Variants in ZDHHC1 observed in about 807,000 individuals in gnomAD.
ZDHHC1 encodes the protein zDHHC palmitoyltransferase 1.
In ZDHHC1, 45 loss-of-function variants were observed where a neutral mutation model predicts 46.9. The ratio of observed to expected loss-of-function variants is 0.96; its 90% CI spans 0.76 to 1.23. ZDHHC1 has a LOEUF of 1.23. Among genes scored for constraint, ZDHHC1 ranks in the 50% most tolerant of loss-of-function variants. ZDHHC1 has a pLI of 0.00. For missense variants in ZDHHC1, 649 were observed against 670.8 expected, an observed-to-expected ratio of 0.97 and a Z score of 0.36; for synonymous variants, 291 against 286.0, an observed-to-expected ratio of 1.02 and a Z score of -0.18.
At chr16:67,394,978 A>C in intron 11 of ZDHHC1, 24 bp downstream of exon 11, 2 of 1,599,214 alleles carry the variant, frequency 1.3e-6, no homozygotes, top group Non-Finnish European at 1.7e-6. Context: ...CCAGAGCAGG[A>C]CCCGGACAGG....
rs560822863 is a variant in ZDHHC1, at chr16:67,401,747, G to A, written c.253-615C>T. On this transcript the variant is annotated intron_variant, in intron 3 of 11. Coordinates refer to ENST00000565726, the MANE Select transcript of ZDHHC1 (RefSeq NM_001323627.2). This position sits in a 1 kb window ranked among gnomAD's most constrained non-coding sequence, Gnocchi z 4.6. ...CCTGCCATGTTCAGGGCCTGGCCAG[G>A]GACAGCATGGCTAGTCTCTGAAGCT... Among the ~76,000 whole-genome samples the A allele has an allele frequency of 6.6e-6, 1 of 152,314 alleles. No individual in the cohort carries two copies. Among genetic ancestry groups the A allele is most frequent in the South Asian group, 2.1e-4 (1 of 4,822 alleles).
intron 1 of ZDHHC1, among the ~76,000 whole-genome samples, chr16:67,412,957 C>G (rs557920763): frequency 1.2e-4 from 18 of 152,112 alleles, no homozygotes; most frequent in Admixed American, 2.6e-4. Context: ...CCCGCCGCCA[C>G]GCCCGGCTAC....
chr16:67,405,630 C>A (rs918677331), intron 3 of ZDHHC1, among the ~76,000 whole-genome samples: 3 of 152,170 alleles, frequency 2.0e-5, no homozygotes, highest in African/African-American at 7.2e-5. Context: ...TGTCACTATT[C>A]CCAGGGGCAT....
Position 67,395,477 on chromosome 16 carries a change from C to T in ZDHHC1, c.1010+7G>A, listed in dbSNP as rs2040411400. On this transcript the variant is annotated splice_region_variant and intron_variant, in intron 9 of 11. Coordinates refer to ENST00000565726, the MANE Select transcript of ZDHHC1 (RefSeq NM_001323627.2). The stretch of plus-strand genomic sequence containing the variant: ...TGCCCAGTGGCACATGCCCAGGTTG[C>T]ACTCACTTGGCATTCACTGCTGCTG... 6.4e-7 allele frequency: 1 copy of T among 1,552,166 alleles called. No individual in the cohort carries two copies. The highest frequency in any genetic ancestry group is 8.7e-7 in the Non-Finnish European group (1 of 1,147,484).
chr16:67,399,456 C>T lies in ZDHHC1; in HGVS notation c.429G>A (p.Val143=). 1 of 1,609,594 alleles carries T rather than the reference C, an allele frequency of 6.2e-7. No individual in the cohort carries two copies. The highest frequency in any genetic ancestry group is 8.5e-7 in the Non-Finnish European group (1 of 1,177,480). The change falls in exon 5 of 12, where the codon GTG becomes GTA. Residue 143 remains valine (V), a splice_region_variant and synonymous_variant. Coordinates refer to ENST00000565726, the MANE Select transcript of ZDHHC1 (RefSeq NM_001323627.2). The part of the protein sequence containing the change: ...DLHCNLCNVD[V]SARSKHCSAC... ...CGCTGCAGTGCTTGGAGCGAGCGCT[C>T]CTGCAGGGAGAGGGGGCACAGCGCG...
At position 67,406,183 on chromosome 16, in the gene ZDHHC1, C is replaced by T. The variant is rs568844374; in HGVS notation, c.252+17G>A. ...TCCCCACTTCCACACACCAGCCCTA[C>T]GCTTTCCCAAGGATACAGCGTAGCC... On this transcript the variant is annotated intron_variant, in intron 3 of 11. Coordinates refer to ENST00000565726, the MANE Select transcript of ZDHHC1 (RefSeq NM_001323627.2). The surrounding 1 kb of genome is among the most constrained non-coding windows in gnomAD (Gnocchi z 4.1). The T allele has an allele frequency of 5.4e-5, 87 of 1,612,352 alleles. No homozygotes were observed. Among genetic ancestry groups the T allele is most frequent in the Middle Eastern group, 1.6e-4 (1 of 6,078 alleles).
At chr16:67,399,979 A>G (rs1210178044) in intron 4 of ZDHHC1, among the ~76,000 whole-genome samples, 1 of 152,220 alleles carries the variant, frequency 6.6e-6, no homozygotes, top group African/African-American at 2.4e-5. Flanking sequence ...GCAGGCTGCC[A>G]TCCGCGTGAG....
At chr16:67,395,587 G>A in intron 8 of ZDHHC1, 21 bp from the exon 9 acceptor site, 1 of 1,550,762 alleles carries the variant, frequency 6.4e-7, no homozygotes, top group Non-Finnish European at 8.7e-7. Flanking sequence ...TGGAAGTCAA[G>A]GAGGCTGGGA....
intron 3 of ZDHHC1, among the ~76,000 whole-genome samples, chr16:67,402,687 C>T (rs1201935560): frequency 6.6e-6 from 1 of 151,464 alleles, no homozygotes; most frequent in East Asian, 1.9e-4. Context: ...AGTGCAATGG[C>T]ACGATCTTGG....
At position 67,394,662 on chromosome 16, in the gene ZDHHC1, G is replaced by T; in HGVS notation, c.1397C>A (p.Pro466Gln). The change falls in exon 12 of 12, where the codon CCG becomes CAG. Residue 466 changes from proline to glutamine, a missense_variant. Transcript: ENST00000565726. ...CGGCGCCCTGGGCTCGCCGCTGCTC[G>T]GGCTCACGAAAACGGCGGGCGCACG... ...QARAPAVFVS[P>Q]SSGEPRAPGG... 8.0e-7 allele frequency: 1 copy of T among 1,244,820 alleles called. No homozygotes were observed. The highest frequency in any genetic ancestry group is 1.0e-6 in the Non-Finnish European group (1 of 996,730). 77.1% of individuals were successfully genotyped at this position (1,244,820 alleles called of 1,614,324 possible). A position where few individuals can be genotyped will look rare whatever the true frequency, so the allele number is the denominator to read the frequency against.
At position 67,394,404 on chromosome 16, in the gene ZDHHC1, A is replaced by G. The variant is rs117132786; in HGVS notation, c.*206T>C. The G allele has an allele frequency of 0.033, 9,382 of 288,652 alleles. 185 individuals carry two copies. The highest frequency in any genetic ancestry group is 0.084 in the Middle Eastern group (61 of 726). 17.9% of individuals were successfully genotyped at this position (288,652 alleles called of 1,614,324 possible). On this transcript the variant is annotated 3_prime_UTR_variant, in exon 12 of 12. Coordinates refer to ENST00000565726, the MANE Select transcript of ZDHHC1 (RefSeq NM_001323627.2). ...ATGGCCCGTGGCCCCTGCCATTAAG[A>G]AAGTAAGCGCGACGTCCGCAAAAGC...
At chr16:67,415,294 C>A (rs1037902327) in intron 1 of ZDHHC1, among the ~76,000 whole-genome samples, 10 of 151,878 alleles carry the variant, frequency 6.6e-5, no homozygotes, top group Admixed American at 2.0e-4. Context: ...CTCATCTCTA[C>A]CAAAACCTTA....
chr16:67,406,035 T>TG lies in ZDHHC1; in HGVS notation c.252+164dup, dbSNP rs1472066351. On this transcript the variant is annotated intron_variant, in intron 3 of 11. Coordinates refer to ENST00000565726, the MANE Select transcript of ZDHHC1 (RefSeq NM_001323627.2). This position sits in a 1 kb window ranked among gnomAD's most constrained non-coding sequence, Gnocchi z 4.1. ...TCAGGTGGAGAGGTCAGGTGGAGGC[T>TG]GGAGACAGGCTGGGAAGCAGCAAGT... Among the ~76,000 whole-genome samples the TG allele has an allele frequency of 1.3e-5, 2 of 152,182 alleles. No individual in the cohort carries two copies. Among genetic ancestry groups the TG allele is most frequent in the Non-Finnish European group, 2.9e-5 (2 of 68,022 alleles).
rs1202889367 is a variant in ZDHHC1, at chr16:67,399,354, C to A, written c.530+1G>T. 6.2e-7 allele frequency: 1 copy of A among 1,612,198 alleles called. No individual in the cohort carries two copies. The highest frequency in any genetic ancestry group is 8.5e-7 in the Non-Finnish European group (1 of 1,179,178). ...CCCGCGTGCGGCCGGGCTGTCCTCACCGGTAGTTCCGCTCGCCCACACAGT... is the reference window on the plus strand; with the variant it reads ...CCCGCGTGCGGCCGGGCTGTCCTCAACGGTAGTTCCGCTCGCCCACACAGT... On this transcript the variant is annotated splice_donor_variant, in intron 5 of 11. Coordinates refer to ENST00000565726, the MANE Select transcript of ZDHHC1 (RefSeq NM_001323627.2). LOFTEE classifies it high-confidence loss of function.
chr16:67,400,291 G>A (rs998216197), intron 4 of ZDHHC1, among the ~76,000 whole-genome samples: 1 of 152,220 alleles, frequency 6.6e-6, no homozygotes, highest in East Asian at 1.9e-4. Flanking sequence ...TCCCCCACCC[G>A]AGACCTGGAG....
chr16:67,400,408 C>A (rs1024237534), intron 4 of ZDHHC1, among the ~76,000 whole-genome samples: 1 of 152,238 alleles, frequency 6.6e-6, no homozygotes, highest in Non-Finnish European at 1.5e-5. Flanking sequence ...AGCAGAGGGA[C>A]CTGAGCAAGC....
At position 67,399,375 on chromosome 16, in the gene ZDHHC1, A is replaced by G. The variant is rs1158041552; in HGVS notation, c.510T>C (p.Cys170=). 3 of 1,612,920 alleles carry G rather than the reference A, an allele frequency of 1.9e-6. No homozygotes were observed. Among genetic ancestry groups the G allele is most frequent in the Admixed American group, 3.3e-5 (2 of 59,982 alleles). ...CTCACCGGTAGTTCCGCTCGCCCAC[A>G]CAGTTGTTGAGCCACTTGCAGTGGT... ...FDHHCKWLNN[C]VGERNYRLFL... is the part of the protein sequence containing the mutation. Residue 170 remains cysteine, a synonymous_variant, in exon 5 of 12, where the codon TGT becomes TGC. Coordinates refer to ENST00000565726, the MANE Select transcript of ZDHHC1 (RefSeq NM_001323627.2).
At chr16:67,416,121 C>G (rs1264618404) in intron 1 of ZDHHC1, 50 bp downstream of exon 1, 1 of 152,312 alleles carries the variant, frequency 6.6e-6, no homozygotes, top group Admixed American at 6.5e-5. Flanking sequence ...TCCGCTACCC[C>G]GTGGCTCAAG....
At chr16:67,415,185 C>A (rs2040813318) in intron 1 of ZDHHC1, among the ~76,000 whole-genome samples, 1 of 152,052 alleles carries the variant, frequency 6.6e-6, no homozygotes, top group African/African-American at 2.4e-5. Flanking sequence ...CTGCCGCTTG[C>A]AGTGGCTCAC....
Sources: gnomAD v4.1 joint callset for allele counts (sites outside exome capture counted in the v4.1 genomes callset) on GRCh38, gnomAD v4.1.1 for gene constraint, Gnocchi (gnomAD v3.1) non-coding constraint, MANE v1.5 for transcripts, NCBI Gene and HGNC (gene_info 2026-07-23, HGNC 2026-07-21) for gene names.